Variants in MRPS6 observed in about 807,000 individuals in gnomAD.
MRPS6 encodes mitochondrial ribosomal protein S6.
MRPS6 carries 6 observed loss-of-function variants against 13.1 expected under a neutral mutation model. That is an observed-to-expected ratio of 0.46 (90% CI 0.25 to 0.91). The LOEUF is 0.91. Among genes scored for constraint, MRPS6 ranks in the 40% least tolerant of loss-of-function variants. The probability of loss-of-function intolerance (pLI) is 0.18; values close to 1 mark genes in which losing one functional copy is unlikely to be tolerated. For missense variants in MRPS6, 164 were observed against 155.6 expected (o/e 1.05, Z -0.29); for synonymous variants, 61 against 56.5 (o/e 1.08, Z -0.36).
intron 1 of MRPS6, chr21:34,095,912 T>G (rs369987127): frequency 2.8e-5 from 45 of 1,614,046 alleles, no homozygotes; most frequent in Non-Finnish European, 3.7e-5. Context: ...ACACAAATTC[T>G]TGTAATGTCT....
intron 1 of MRPS6, among the ~76,000 whole-genome samples, chr21:34,088,209 G>C (rs1978494349): frequency 1.3e-5 from 2 of 152,244 alleles, no homozygotes; most frequent in Non-Finnish European, 2.9e-5. Context: ...AGAATCTATA[G>C]CTGTGATGAC....
At chr21:34,139,751 T>C (rs1980845572) in intron 2 of MRPS6, among the ~76,000 whole-genome samples, 1 of 152,142 alleles carries the variant, frequency 6.6e-6, no homozygotes. Context: ...CTAATTTTTG[T>C]AGTTTTTGTG....
intron 1 of MRPS6, chr21:34,103,164 T>G: frequency 1.0e-6 from 1 of 999,974 alleles, no homozygotes; most frequent in Non-Finnish European, 1.2e-6. Flanking sequence ...TATATGGTAT[T>G]CCATAATATA....
chr21:34,101,217 C>T, intron 1 of MRPS6: 2 of 999,910 alleles, frequency 2.0e-6, no homozygotes, highest in African/African-American at 3.5e-5. Flanking sequence ...TTAAAATCTG[C>T]ATATGTAGAA....
intron 1 of MRPS6, among the ~76,000 whole-genome samples, chr21:34,090,401 A>C (rs1037699181): frequency 2.6e-5 from 4 of 152,322 alleles, no homozygotes; most frequent in African/African-American, 9.6e-5. Context: ...GCATGTATGT[A>C]AAGTCTTAAG....
intron 1 of MRPS6, among the ~76,000 whole-genome samples, chr21:34,111,669 A>G (rs1042127812): frequency 1.3e-5 from 2 of 152,112 alleles, no homozygotes; most frequent in Admixed American, 1.3e-4. Context: ...TTGAGGAGAG[A>G]CACTGCTAAT....
intron 1 of MRPS6, among the ~76,000 whole-genome samples, chr21:34,083,004 G>A (rs1459052980): frequency 6.6e-6 from 1 of 152,144 alleles, no homozygotes; most frequent in Non-Finnish European, 1.5e-5. Flanking sequence ...TTCTTTATTG[G>A]AGCCCTCAAT....
chr21:34,133,148 C>T (rs1024484474), intron 2 of MRPS6, among the ~76,000 whole-genome samples: 1 of 152,182 alleles, frequency 6.6e-6, no homozygotes, highest in African/African-American at 2.4e-5. Flanking sequence ...TGTCTGAAAG[C>T]TGTGAAAGTA....
chr21:34,137,549 G>T (rs1435966071), intron 2 of MRPS6, among the ~76,000 whole-genome samples: 1 of 152,146 alleles, frequency 6.6e-6, no homozygotes, highest in Non-Finnish European at 1.5e-5. Context: ...AAATAAGACA[G>T]TCTCACTTTT....
At chr21:34,084,623 C>A (rs1229789962) in intron 1 of MRPS6, among the ~76,000 whole-genome samples, 2 of 152,160 alleles carry the variant, frequency 1.3e-5, no homozygotes, top group Non-Finnish European at 2.9e-5. Context: ...CCTCAGCCAT[C>A]TAAGGTTAGG....
At chr21:34,123,006 ATGGG>A (rs1980174332) in intron 1 of MRPS6, 2 of 152,208 alleles carry the variant, frequency 1.3e-5, no homozygotes, top group Admixed American at 6.5e-5. Context: ...CCTACTGTTA[ATGGG>A]AAGAGATTTT....
chr21:34,111,739 G>T (rs1462359510), intron 1 of MRPS6, among the ~76,000 whole-genome samples: 1 of 152,080 alleles, frequency 6.6e-6, no homozygotes, highest in East Asian at 1.9e-4. Context: ...GTCTAATTTG[G>T]GATCTCACTG....
At chr21:34,132,464 G>C (rs1980538324) in intron 2 of MRPS6, among the ~76,000 whole-genome samples, 1 of 152,234 alleles carries the variant, frequency 6.6e-6, no homozygotes, top group Admixed American at 6.5e-5. Flanking sequence ...TGTCATGCCT[G>C]GTGGCAGGAA....
At chr21:34,104,048 A>T (rs1387120793) in intron 1 of MRPS6, 1 of 1,000,028 alleles carries the variant, frequency 1.0e-6, no homozygotes, top group Non-Finnish European at 1.2e-6. Context: ...GCAGAAAGTC[A>T]TACTTTAACA....
At chr21:34,136,544 G>A (rs1980711667) in intron 2 of MRPS6, among the ~76,000 whole-genome samples, 1 of 152,120 alleles carries the variant, frequency 6.6e-6, no homozygotes, top group South Asian at 2.1e-4. Context: ...GTTTTAATTT[G>A]CATTTCTCTC....
At chr21:34,120,375 G>A (rs929623343) in intron 1 of MRPS6, among the ~76,000 whole-genome samples, 13 of 152,156 alleles carry the variant, frequency 8.5e-5, no homozygotes, top group African/African-American at 2.4e-4. Flanking sequence ...TTGGAAATAT[G>A]TTCTTGTTTA....
intron 1 of MRPS6, among the ~76,000 whole-genome samples, chr21:34,079,945 T>C (rs1056472515): frequency 6.6e-6 from 1 of 152,180 alleles, no homozygotes; most frequent in Non-Finnish European, 1.5e-5. Flanking sequence ...TTATCGCTTC[T>C]CTGTCTTCTG....
At chr21:34,141,126 T>C (rs1229659184) in intron 2 of MRPS6, among the ~76,000 whole-genome samples, 1 of 152,208 alleles carries the variant, frequency 6.6e-6, no homozygotes, top group Non-Finnish European at 1.5e-5. Context: ...AGCTCCACAT[T>C]TCATGCTAAC....
At chr21:34,131,680 A>G (rs1980506245) in intron 2 of MRPS6, among the ~76,000 whole-genome samples, 1 of 152,164 alleles carries the variant, frequency 6.6e-6, no homozygotes, top group African/African-American at 2.4e-5. Context: ...GACTTTCTTC[A>G]TGTGTAAAAA....
Sources: gnomAD v4.1 joint callset for allele counts (sites outside exome capture counted in the v4.1 genomes callset) on GRCh38, gnomAD v4.1.1 for gene constraint, MANE v1.5 for transcripts, NCBI Gene and HGNC (gene_info 2026-07-23, HGNC 2026-07-21) for gene names.